The following TCP11 variants were observed in gnomAD, a reference collection of about 807,000 sequenced individuals.
TCP11 encodes T-complex protein 11 homolog.
TCP11 carries 34 observed loss-of-function variants against 45.0 expected under a neutral mutation model. The ratio of observed to expected loss-of-function variants is 0.76; its 90% CI spans 0.57 to 1.01. TCP11 has a LOEUF of 1.01. Among genes scored for constraint, TCP11 ranks in the 50% least tolerant of loss-of-function variants. The pLI is 0.00. For missense variants in TCP11, 523 were observed against 598.1 expected, an observed-to-expected ratio of 0.87 and a Z score of 1.31; for synonymous variants, 227 against 227.0, an observed-to-expected ratio of 1.00 and a Z score of 0.00.
At chr6:35,129,282 C>A (rs891707755) in intron 3 of TCP11, 100 bp from the exon 4 acceptor site, 2 of 1,410,768 alleles carry the variant, frequency 1.4e-6, no homozygotes, top group Non-Finnish European at 1.9e-6. Flanking sequence ...TGGTAAAAGG[C>A]CATTATAATA....
rs776505647 is a variant in TCP11 at position 35,120,271 on chromosome 6, A to C, written c.1003T>G (p.Ser335Ala). ...AAACTACTGGCCACCAGCAAGACTG[A>C]GGCCATGACGGTTAACTGGTGCAAC... is the stretch of plus-strand genomic sequence containing the variant. Reference protein sequence around the residue: ...SQLHQLTVMASVLLVASSFSG... With the variant: ...SQLHQLTVMAAVLLVASSFSG... The change falls in exon 8 of 10, where the codon TCA (serine) becomes GCA (alanine). Residue 335 changes from serine (S) to alanine (A), a missense_variant. Transcript: ENST00000311875. The surrounding 1 kb of genome is among the most constrained non-coding windows in gnomAD (Gnocchi z 4.9). The C allele has an allele frequency of 1.2e-6, 2 of 1,614,142 alleles. No homozygotes were observed. The highest frequency in any genetic ancestry group is 1.7e-6 in the Non-Finnish European group (2 of 1,180,050).
intron 2 of TCP11, 68 bp from the exon 3 acceptor site, chr6:35,136,286 T>C (rs1257524063): frequency 8.4e-7 from 1 of 1,189,558 alleles, no homozygotes; most frequent in Non-Finnish European, 1.2e-6. Flanking sequence ...TCACTCAATC[T>C]AGTAGGCCCC....
chr6:35,119,162 T>C (rs1778949931), intron 9 of TCP11, 66 bp downstream of exon 9: 2 of 1,581,868 alleles, frequency 1.3e-6, no homozygotes, highest in East Asian at 2.2e-5. Context: ...TTGTTAAAGG[T>C]TGGGGTTCCA....
intron 2 of TCP11, among the ~76,000 whole-genome samples, chr6:35,139,307 G>A (rs952552049): frequency 3.3e-5 from 5 of 151,978 alleles, no homozygotes; most frequent in Non-Finnish European, 7.4e-5. Context: ...AAAGCAATAC[G>A]GCAGAATATT....
Position 35,121,051 on chromosome 6 carries a change from A to G in TCP11, c.579-6T>C. On this transcript the variant is annotated splice_region_variant and splice_polypyrimidine_tract_variant and intron_variant, in intron 5 of 9. Coordinates refer to ENST00000311875, the MANE Select transcript of TCP11 (RefSeq NM_001370687.1). Reference sequence around the variant, plus strand: ...CCAGAACCTGGAAGATCCCTCTGACACAGGGGGAAAGAGAATATTTATACT... The same window carrying G: ...CCAGAACCTGGAAGATCCCTCTGACGCAGGGGGAAAGAGAATATTTATACT... The G allele has an allele frequency of 6.2e-7, 1 of 1,601,248 alleles. No individual in the cohort carries two copies. Among genetic ancestry groups the G allele is most frequent in the Middle Eastern group, 1.7e-4 (1 of 6,018 alleles).
At chr6:35,121,578 C>T (rs904467878) in intron 5 of TCP11, among the ~76,000 whole-genome samples, 12 of 151,284 alleles carry the variant, frequency 7.9e-5, no homozygotes, top group African/African-American at 2.9e-4. Context: ...TTTGGGAGGC[C>T]GAGGTGGGTG....
intron 2 of TCP11, among the ~76,000 whole-genome samples, chr6:35,139,648 T>A (rs773111561): frequency 6.6e-6 from 1 of 152,134 alleles, no homozygotes; most frequent in African/African-American, 2.4e-5. Flanking sequence ...CGGAGGGAAA[T>A]ATACACAGAA....
At chr6:35,140,101 C>T (rs758986777) in intron 2 of TCP11, 2 of 1,613,762 alleles carry the variant, frequency 1.2e-6, no homozygotes, top group Admixed American at 3.3e-5. Context: ...CATGTGGCCA[C>T]AAGAAAAACC....
chr6:35,121,068 A>G (rs1413709871), intron 5 of TCP11, 23 bp from the exon 6 acceptor site: 2 of 1,587,156 alleles, frequency 1.3e-6, no homozygotes, highest in Non-Finnish European at 1.7e-6. Flanking sequence ...GAAAGAGAAT[A>G]TTTATACTAC....
chr6:35,121,428 C>G (rs999961562), intron 5 of TCP11, among the ~76,000 whole-genome samples: 1 of 130,238 alleles, frequency 7.7e-6, no homozygotes, highest in Non-Finnish European at 1.6e-5. Flanking sequence ...TTTAAACTTT[C>G]TGGGTCTTGG....
chr6:35,125,706 G>A (rs536846486), intron 4 of TCP11, among the ~76,000 whole-genome samples: 2 of 152,226 alleles, frequency 1.3e-5, no homozygotes, highest in African/African-American at 2.4e-5. Flanking sequence ...ATATATACTT[G>A]TACACAAGGT....
At chr6:35,122,068 G>A (rs367654351) in intron 5 of TCP11, 49 bp downstream of exon 5, 40 of 1,591,386 alleles carry the variant, frequency 2.5e-5, no homozygotes, top group Admixed American at 1.5e-4. Context: ...CAGCTTTTCC[G>A]GGCTCAGGGG....
chr6:35,119,053 CCA>C (rs1287217642), intron 9 of TCP11, among the ~76,000 whole-genome samples, 173 bp downstream of exon 9: 1 of 152,104 alleles, frequency 6.6e-6, no homozygotes, highest in African/African-American at 2.4e-5. Context: ...ATCCTGAGAA[CCA>C]CAGTTAGTCT....
intron 2 of TCP11, among the ~76,000 whole-genome samples, chr6:35,137,463 G>GA (rs937164332): frequency 6.8e-6 from 1 of 146,398 alleles, no homozygotes; most frequent in Non-Finnish European, 1.5e-5. Flanking sequence ...CTTAACCTCT[G>GA]AAAAAAACCA....
intron 4 of TCP11, chr6:35,128,741 T>C (rs980100957): frequency 3.3e-5 from 7 of 214,760 alleles, no homozygotes; most frequent in African/African-American, 1.2e-4. Flanking sequence ...TAACGTCTCA[T>C]GGCATAGCTA....
chr6:35,134,238 G>A (rs1356868635), intron 3 of TCP11, among the ~76,000 whole-genome samples: 3 of 146,242 alleles, frequency 2.1e-5, no homozygotes, highest in Non-Finnish European at 4.5e-5. Flanking sequence ...AAATGGCATA[G>A]TATCGCATAT....
chr6:35,129,556 C>A (rs1036640801), intron 3 of TCP11, among the ~76,000 whole-genome samples: 5 of 152,204 alleles, frequency 3.3e-5, no homozygotes, highest in Non-Finnish European at 7.3e-5. Context: ...TTTTCTTATA[C>A]TCCTGAAATC....
Position 35,129,125 on chromosome 6 carries a change from C to A in TCP11, c.294G>T (p.Glu98Asp). 1 of 1,614,128 alleles carries A rather than the reference C, an allele frequency of 6.2e-7. No individual in the cohort carries two copies. ...AGTCAGGGGGAGTTGCTGATAGTTG[C>A]TCTTTAAGATGGTCCCAAAAGGCAT... ...VHNAFWDHLK[E>D]QLSATPPDFS... The change falls in exon 4 of 10, where the codon GAG (glutamate) becomes GAT (aspartate). Residue 98 changes from glutamate (E) to aspartate (D), a missense_variant. Physicochemically the swap from Glu to Asp is conservative, Grantham distance 45 (BLOSUM62 2). This residue lies in a region of TCP11 where 225 missense variants were observed against 210.2 expected (regional missense o/e 1.07). Coordinates refer to ENST00000311875, the MANE Select transcript of TCP11 (RefSeq NM_001370687.1).
At chr6:35,140,197 C>G in intron 2 of TCP11, 2 of 1,543,336 alleles carry the variant, frequency 1.3e-6, no homozygotes, top group Non-Finnish European at 1.8e-6. Flanking sequence ...ACACGGACAG[C>G]TCCTCAGTTT....
Sources: gnomAD v4.1 joint callset for allele counts (sites outside exome capture counted in the v4.1 genomes callset) on GRCh38, gnomAD v4.1.1 for gene constraint, gnomAD v4.1.1 regional missense constraint, Gnocchi (gnomAD v3.1) non-coding constraint, MANE v1.5 for transcripts, NCBI Gene and HGNC (gene_info 2026-07-23, HGNC 2026-07-21) for gene names.